The following TP73 variants were observed in gnomAD, a reference collection of about 807,000 sequenced individuals.
The protein encoded by TP73 is p53-like transcription factor.
In TP73, 25 loss-of-function variants were observed where a neutral mutation model predicts 62.5. The observed-to-expected ratio is 0.40, with a 90% CI of 0.29 to 0.56. The LOEUF (loss-of-function observed/expected upper bound fraction) is 0.56. Among genes scored for constraint, TP73 ranks in the 20% least tolerant of loss-of-function variants. The probability of loss-of-function intolerance (pLI) is 0.46; values close to 1 mark genes in which losing one functional copy is unlikely to be tolerated. For synonymous variants in TP73, 423 were observed against 377.5 expected (o/e 1.12, Z -1.40); for missense variants, 754 against 913.3 (o/e 0.83, Z 2.25).
chr1:3,660,715 A>C (rs1644970489), intron 1 of TP73, among the ~76,000 whole-genome samples: 1 of 152,250 alleles, frequency 6.6e-6, no homozygotes, highest in African/African-American at 2.4e-5. Context: ...GTACTGGTCA[A>C]AGTCTTCCCC....
chr1:3,722,298 G>T, intron 5 of TP73, 91 bp downstream of exon 5: 2 of 1,476,824 alleles, frequency 1.4e-6, no homozygotes, highest in South Asian at 1.2e-5. Flanking sequence ...GAGAGAGTGG[G>T]GCTGACAGCA....
intron 6 of TP73, among the ~76,000 whole-genome samples, chr1:3,726,447 G>A (rs1324180012): frequency 7.0e-6 from 1 of 142,614 alleles, no homozygotes; most frequent in Non-Finnish European, 1.5e-5. Flanking sequence ...ACGTGTGGGT[G>A]GGTGGATGGG....
intron 6 of TP73, among the ~76,000 whole-genome samples, chr1:3,724,043 A>C (rs1194702314): frequency 9.1e-6 from 1 of 109,844 alleles, no homozygotes; most frequent in Non-Finnish European, 1.9e-5. Context: ...TGGGGGGTGC[A>C]GGGGACTGGG....
intron 3 of TP73, among the ~76,000 whole-genome samples, chr1:3,697,385 G>A (rs972270737): frequency 6.6e-6 from 1 of 152,206 alleles, no homozygotes; most frequent in African/African-American, 2.4e-5. Flanking sequence ...CTGGCTGCAG[G>A]CTCTCTGCCC....
Position 3,701,912 on chromosome 1 carries a change from G to A in TP73, c.187-5637G>A, listed in dbSNP as rs547808159. Among the ~76,000 whole-genome samples, 1 of 152,336 alleles carries A rather than the reference G, an allele frequency of 6.6e-6. No individual in the cohort carries two copies. The highest frequency in any genetic ancestry group is 1.5e-5 in the Non-Finnish European group (1 of 68,040). On this transcript the variant is annotated intron_variant, in intron 3 of 13. Transcript: ENST00000378295. The surrounding 1 kb of genome is among the most constrained non-coding windows in gnomAD (Gnocchi z 4.7). ...CAGGTGGAGCTGAGACTTGGCCCCA[G>A]GACTCCTGACCTCAGAGCCCTGCTT...
intron 1 of TP73, chr1:3,659,155 A>G (rs1644933689): frequency 7.1e-6 from 1 of 141,204 alleles, no homozygotes; most frequent in Non-Finnish European, 1.5e-5. Context: ...TGCTTTGAAG[A>G]GGCATTTCTA....
At chr1:3,684,968 C>G (rs1395269040) in intron 3 of TP73, among the ~76,000 whole-genome samples, 1 of 152,142 alleles carries the variant, frequency 6.6e-6, no homozygotes, top group Non-Finnish European at 1.5e-5. Context: ...GGACAAGGGT[C>G]CTGACCCCAC....
chr1:3,688,174 C>T (rs562119681), intron 3 of TP73, among the ~76,000 whole-genome samples: 7 of 152,210 alleles, frequency 4.6e-5, no homozygotes, highest in Non-Finnish European at 7.4e-5. Flanking sequence ...GACTCCAGCC[C>T]ACCCGTTACC....
chr1:3,731,457 C>G lies in TP73; in HGVS notation c.1485-6C>G, dbSNP rs1642134197. Reference sequence around the variant, plus strand: ...TGCTGCTTCCTTTCTCAAATTCTCTCTGCAGTTTTTTAACAGGATTGGGGT... The same window carrying G: ...TGCTGCTTCCTTTCTCAAATTCTCTGTGCAGTTTTTTAACAGGATTGGGGT... On this transcript the variant is annotated splice_polypyrimidine_tract_variant and splice_region_variant and intron_variant, in intron 12 of 13. Transcript: ENST00000378295. 1 of 1,613,050 alleles carries G rather than the reference C, an allele frequency of 6.2e-7. No homozygotes were observed. Among genetic ancestry groups the G allele is most frequent in the Non-Finnish European group, 8.5e-7 (1 of 1,179,610 alleles).
intron 5 of TP73, 138 bp downstream of exon 5, chr1:3,722,345 C>A: frequency 9.5e-7 from 1 of 1,051,242 alleles, no homozygotes. Flanking sequence ...GCTTTCAGTG[C>A]CTCCACCAGC....
chr1:3,707,847 G>A (rs760612509), intron 4 of TP73, 56 bp downstream of exon 4: 2 of 1,571,552 alleles, frequency 1.3e-6, no homozygotes, highest in Non-Finnish European at 1.7e-6. Context: ...CTGGAGAGGA[G>A]GTGGCTGCGT....
intron 1 of TP73, among the ~76,000 whole-genome samples, chr1:3,673,139 C>T (rs1473091328): frequency 3.9e-5 from 6 of 152,264 alleles, no homozygotes; most frequent in African/African-American, 9.6e-5. Flanking sequence ...GTTTCGAGGA[C>T]GCCTCATTCC....
rs771942745 is a variant in TP73, at chr1:3,719,473, A to C, written c.430-2548A>C. On this transcript the variant is annotated intron_variant, in intron 4 of 13. Coordinates refer to ENST00000378295, the MANE Select transcript of TP73 (RefSeq NM_005427.4). ...CTGGCCCCTCCTCCTTCTGTCCCCA[A>C]CCAGCACAGATGGAGACCAGGCGTG... 1.4e-4 allele frequency among the ~76,000 whole-genome samples: 22 copies of C among 152,192 alleles called. 1 individual carries two copies. Among genetic ancestry groups the C allele is most frequent in the African/African-American group, 5.3e-4 (22 of 41,448 alleles).
chr1:3,729,883 A>T (rs1570646719), intron 10 of TP73, 117 bp from the exon 11 acceptor site: 1 of 1,373,822 alleles, frequency 7.3e-7, no homozygotes, highest in East Asian at 2.5e-5. Flanking sequence ...GGATGAAGCC[A>T]CTCTCTGACA....
At chr1:3,677,037 T>C (rs533038920) in intron 1 of TP73, among the ~76,000 whole-genome samples, 1 of 152,082 alleles carries the variant, frequency 6.6e-6, no homozygotes, top group East Asian at 1.9e-4. Context: ...CAGAAGGCCC[T>C]GAGTCAAACC....
At chr1:3,664,693 T>A (rs1375298959) in intron 1 of TP73, among the ~76,000 whole-genome samples, 1 of 151,996 alleles carries the variant, frequency 6.6e-6, no homozygotes, top group Non-Finnish European at 1.5e-5. Flanking sequence ...CTTGCTTCAG[T>A]GTGGGTCATT....
intron 6 of TP73, among the ~76,000 whole-genome samples, chr1:3,726,479 A>G (rs1641623257): frequency 7.7e-6 from 1 of 129,712 alleles, no homozygotes; most frequent in Admixed American, 7.6e-5. Flanking sequence ...ATTGATATTG[A>G]ATGGATGGGT....
chr1:3,723,742 T>G (rs1405860858), intron 6 of TP73, among the ~76,000 whole-genome samples: 1 of 151,910 alleles, frequency 6.6e-6, no homozygotes, highest in Non-Finnish European at 1.5e-5. Context: ...TAGTGGGGAG[T>G]GGGTCTTCAG....
At position 3,652,810 on chromosome 1, in the gene TP73, C is replaced by G. The variant is rs904748094; in HGVS notation, c.-34+169C>G. 1.3e-5 allele frequency: 2 copies of G among 152,278 alleles called. 1 individual carries two copies. Among genetic ancestry groups the G allele is most frequent in the Non-Finnish European group, 2.9e-5 (2 of 68,104 alleles). The allele number at this position is 152,278 out of a possible 1,614,324, so 9.4% of individuals were successfully genotyped here. A position where few individuals can be genotyped will look rare whatever the true frequency, so the allele number is the denominator to read the frequency against. On this transcript the variant is annotated intron_variant, in intron 1 of 13. Transcript: ENST00000378295. Reference sequence around the variant, plus strand: ...GGGCTCCCTCGGAGTTGGATCGGCCCCTGGGACTTGGCGCTCGCGAGAGGC... The same window carrying G: ...GGGCTCCCTCGGAGTTGGATCGGCCGCTGGGACTTGGCGCTCGCGAGAGGC...
Sources: gnomAD v4.1 joint callset for allele counts (sites outside exome capture counted in the v4.1 genomes callset) on GRCh38, gnomAD v4.1.1 for gene constraint, Gnocchi (gnomAD v3.1) non-coding constraint, MANE v1.5 for transcripts, NCBI Gene and HGNC (gene_info 2026-07-23, HGNC 2026-07-21) for gene names.